NCOA2: variants seen among roughly 807,000 people sequenced by gnomAD.
NCOA2 encodes the protein class E basic helix-loop-helix protein 75.
Under a neutral mutation model 145.1 loss-of-function variants are expected in NCOA2, and 21 were observed. That is an observed-to-expected ratio of 0.14 (90% CI 0.10 to 0.21). NCOA2 has a LOEUF of 0.21. NCOA2 is among the 10% of genes least tolerant of loss of function. NCOA2 has a pLI of 1.00. For synonymous variants in NCOA2, 619 were observed against 637.5 expected (o/e 0.97, Z 0.44); for missense variants, 1,472 against 1,837.6 (o/e 0.80, Z 3.64).
chr8:70,146,273 TTGATA>T (rs376758777), intron 12 of NCOA2, among the ~76,000 whole-genome samples: 9 of 152,202 alleles, frequency 5.9e-5, no homozygotes, highest in African/African-American at 1.7e-4. Flanking sequence ...ATATTTGGAT[TTGATA>T]TGATTTTTAT....
chr8:70,401,102 T>C lies in NCOA2; in HGVS notation c.-77+2598A>G, dbSNP rs538516476. The stretch of plus-strand genomic sequence containing the variant: ...CAAAGAACAGGAACACACACACACA[T>C]ACACACACACACACGCGCACACACA... On this transcript the variant is annotated intron_variant, in intron 1 of 22. Transcript: ENST00000452400. 4.4e-3 allele frequency among the ~76,000 whole-genome samples: 663 copies of C among 150,064 alleles called. 7 individuals are homozygous for C. Among genetic ancestry groups the C allele is most frequent in the African/African-American group, 0.016 (640 of 40,226 alleles).
Position 70,109,985 on chromosome 8 carries a change from C to A in NCOA2, c.*3647G>T. 1 of 193,146 alleles carries A rather than the reference C, an allele frequency of 5.2e-6. No individual in the cohort carries two copies. The highest frequency in any genetic ancestry group is 1.1e-5 in the Non-Finnish European group (1 of 92,458). 12.0% of individuals were successfully genotyped at this position (193,146 alleles called of 1,614,324 possible). On this transcript the variant is annotated 3_prime_UTR_variant, in exon 23 of 23. Coordinates refer to ENST00000452400, the MANE Select transcript of NCOA2 (RefSeq NM_006540.4). ...AAATACAAACATCAATGCAGGTGAA[C>A]AAAGTGATGTTCAGAGTCAACTCCA...
intron 2 of NCOA2, among the ~76,000 whole-genome samples, chr8:70,217,214 G>A (rs1013533469): frequency 2.0e-5 from 3 of 152,184 alleles, no homozygotes; most frequent in Non-Finnish European, 2.9e-5. Flanking sequence ...CAGACAGCCC[G>A]GGGAAGAGCC....
chr8:70,444,227 A>G, the NCOA2 span, among the ~76,000 whole-genome samples: 22 of 152,236 alleles, frequency 1.4e-4, no homozygotes, highest in Non-Finnish European at 1.2e-4. Flanking sequence ...ACTTGAATAG[A>G]TCTCAAGGAT....
At chr8:70,315,036 G>A (rs745312137) in intron 1 of NCOA2, among the ~76,000 whole-genome samples, 2 of 152,144 alleles carry the variant, frequency 1.3e-5, no homozygotes, top group African/African-American at 4.8e-5. Flanking sequence ...AAGTTTTGAC[G>A]AGCTAAGGAA....
chr8:70,258,056 C>T (rs1823793774), intron 2 of NCOA2, among the ~76,000 whole-genome samples: 1 of 152,044 alleles, frequency 6.6e-6, no homozygotes, highest in African/African-American at 2.4e-5. Flanking sequence ...TAGCTGGGAT[C>T]AGAGGCACAC....
intron 1 of NCOA2, among the ~76,000 whole-genome samples, chr8:70,354,482 T>G (rs987043439): frequency 1.3e-5 from 2 of 152,210 alleles, no homozygotes; most frequent in African/African-American, 4.8e-5. Context: ...GCAAACATTC[T>G]CTAGAAAACA....
intron 2 of NCOA2, among the ~76,000 whole-genome samples, chr8:70,271,640 A>T (rs1302167691): frequency 6.6e-6 from 1 of 152,206 alleles, no homozygotes; most frequent in Non-Finnish European, 1.5e-5. Flanking sequence ...TCAAATGTAC[A>T]ATGAGAAACA....
intron 1 of NCOA2, among the ~76,000 whole-genome samples, chr8:70,315,121 A>G (rs887449948): frequency 3.9e-5 from 6 of 152,240 alleles, no homozygotes; most frequent in Admixed American, 1.3e-4. Context: ...GACACTGATT[A>G]TAAAGGGATG....
intron 2 of NCOA2, among the ~76,000 whole-genome samples, chr8:70,258,845 GTTC>G (rs1210880090): frequency 6.6e-6 from 1 of 152,160 alleles, no homozygotes; most frequent in African/African-American, 2.4e-5. Flanking sequence ...ATCTAACATA[GTTC>G]TTAACATATA....
chr8:70,221,667 A>C (rs1820146345), intron 2 of NCOA2, among the ~76,000 whole-genome samples: 1 of 152,224 alleles, frequency 6.6e-6, no homozygotes, highest in South Asian at 2.1e-4. Context: ...CAAAGCAGAC[A>C]TTATTTTGGC....
intron 1 of NCOA2, among the ~76,000 whole-genome samples, chr8:70,380,137 A>G (rs981205539): frequency 5.3e-5 from 8 of 152,226 alleles, no homozygotes; most frequent in African/African-American, 1.9e-4. Flanking sequence ...AAGAAAATAA[A>G]TATCAGTAAT....
intron 1 of NCOA2, among the ~76,000 whole-genome samples, chr8:70,360,744 C>T (rs1810123624): frequency 6.6e-6 from 1 of 152,026 alleles, no homozygotes; most frequent in Admixed American, 6.6e-5. Context: ...TAGAGACCAG[C>T]CTGGCCAACA....
intron 11 of NCOA2, among the ~76,000 whole-genome samples, chr8:70,152,081 G>A (rs1483225176): frequency 2.6e-5 from 4 of 152,152 alleles, no homozygotes; most frequent in East Asian, 1.9e-4. Context: ...CCTTTAAAAT[G>A]CTTTGCCAAG....
At position 70,364,829 on chromosome 8, in the gene NCOA2, GTT is replaced by G. The variant is rs5892229; in HGVS notation, c.-77+38869_-77+38870del. Reference sequence around the variant, plus strand: ...CCAGTTCTATAAAGTAAAAAGGTTTGTTTTTTTTTTTTTTTCCCCCAGTCTGT... The same window carrying G: ...CCAGTTCTATAAAGTAAAAAGGTTTGTTTTTTTTTTTTTCCCCCAGTCTGT... On this transcript the variant is annotated intron_variant, in intron 1 of 22. Transcript: ENST00000452400. Among the ~76,000 whole-genome samples the G allele has an allele frequency of 8.4e-3, 1,154 of 137,576 alleles. 21 individuals are homozygous for G. Among genetic ancestry groups the G allele is most frequent in the African/African-American group, 0.028 (1,039 of 37,636 alleles). 90.3% of individuals were successfully genotyped at this position (137,576 alleles called of 152,430 possible). A position where few individuals can be genotyped will look rare whatever the true frequency, so the allele number is the denominator to read the frequency against.
At chr8:70,442,785 T>C in the NCOA2 span, among the ~76,000 whole-genome samples, 1 of 152,192 alleles carries the variant, frequency 6.6e-6, no homozygotes, top group East Asian at 1.9e-4. Context: ...CCAGGTCGCT[T>C]CTGCTGGAGG....
In NCOA2 at chr8:70,167,350, C is replaced by G. The variant is rs111356388; in HGVS notation, c.542-596G>C. Reference sequence around the variant, plus strand: ...GATCTTCCACATTCCCCTGCACAAGCCTCCCCATGCTCCACCATACCGGGC... The same window carrying G: ...GATCTTCCACATTCCCCTGCACAAGGCTCCCCATGCTCCACCATACCGGGC... On this transcript the variant is annotated intron_variant, in intron 6 of 22. Transcript: ENST00000452400. 3.8e-3 allele frequency among the ~76,000 whole-genome samples: 584 copies of G among 152,288 alleles called. 9 individuals carry two copies. The highest frequency in any genetic ancestry group is 0.013 in the African/African-American group (561 of 41,558).
intron 22 of NCOA2, among the ~76,000 whole-genome samples, chr8:70,120,458 C>T (rs754862417): frequency 1.2e-3 from 190 of 152,270 alleles, no homozygotes; most frequent in Non-Finnish European, 5.9e-4. Flanking sequence ...TGGTGGTTCA[C>T]GCCTATAATC....
At chr8:70,424,316 C>T in the NCOA2 span, 1 of 370,110 alleles carries the variant, frequency 2.7e-6, no homozygotes, top group Non-Finnish European at 5.2e-6. Flanking sequence ...CCAGCCTTTC[C>T]ATCCTTCTGC....
Sources: allele counts gnomAD v4.1 joint callset (sites outside exome capture counted in the v4.1 genomes callset), GRCh38; gene constraint gnomAD v4.1.1; transcripts MANE v1.5; gene names NCBI Gene and HGNC (gene_info 2026-07-23, HGNC 2026-07-21).